Variants in ACTR2 observed in about 807,000 individuals in gnomAD.
The protein encoded by ACTR2 is actin related protein 2.
Under a neutral mutation model 50.2 loss-of-function variants are expected in ACTR2, and 5 were observed. That is an observed-to-expected ratio of 0.10 (90% CI 0.05 to 0.21). ACTR2 has a LOEUF of 0.21. Ranked by LOEUF, ACTR2 falls within the 10% of genes least tolerant of loss-of-function variation. The pLI, the probability that ACTR2 is intolerant of heterozygous loss-of-function variation, is 1.00. For missense variants in ACTR2, 180 were observed against 480.6 expected, an observed-to-expected ratio of 0.37 and a Z score of 5.85; for synonymous variants, 140 against 162.9, an observed-to-expected ratio of 0.86 and a Z score of 1.07.
At chr2:65,254,259 A>G (rs1672106729) in intron 5 of ACTR2, among the ~76,000 whole-genome samples, 1 of 152,152 alleles carries the variant, frequency 6.6e-6, no homozygotes, top group Admixed American at 6.5e-5. Context: ...GTTTTAAGCC[A>G]TGATCTTGGT....
At chr2:65,250,102 C>T (rs1166361586) in intron 3 of ACTR2, among the ~76,000 whole-genome samples, 9 of 152,164 alleles carry the variant, frequency 5.9e-5, no homozygotes, top group East Asian at 1.9e-4. Context: ...CGGTGGCTCA[C>T]GCCTGTAATC....
At position 65,260,724 on chromosome 2, in the gene ACTR2, C is replaced by CAA. The variant is rs539455728; in HGVS notation, c.736-522_736-521insAA. On this transcript the variant is annotated intron_variant, in intron 6 of 8. Coordinates refer to ENST00000260641, the MANE Select transcript of ACTR2 (RefSeq NM_005722.4). ...AAATTCCTGATATTTGGGGGCGTGG[C>CAA]ATACCTTTTTTTTTTTTTTTTTTGA... Among the ~76,000 whole-genome samples the CAA allele has an allele frequency of 3.4e-3, 499 of 148,734 alleles. 2 individuals carry two copies. The highest frequency in any genetic ancestry group is 0.011 in the African/African-American group (458 of 40,598).
Position 65,239,901 on chromosome 2 carries a change from C to G in ACTR2, c.98C>G (p.Pro33Arg). ...TCTAACTTTCCAGAACACATCTTCC[C>G]AGCTTTGGTTGGAAGACCTATTATC... ...AGSNFPEHIF[P>R]ALVGRPIIRS... The change falls in exon 2 of 9, where the codon CCA becomes CGA. Residue 33 changes from proline to arginine, a missense_variant. By Grantham distance (103) the Pro-to-Arg change is moderately radical. Coordinates refer to ENST00000260641, the MANE Select transcript of ACTR2 (RefSeq NM_005722.4). 1 of 1,613,390 alleles carries G rather than the reference C, an allele frequency of 6.2e-7. No individual in the cohort carries two copies. Among genetic ancestry groups the G allele is most frequent in the Non-Finnish European group, 8.5e-7 (1 of 1,179,542 alleles).
At chr2:65,261,913 T>C (rs1426735068) in intron 7 of ACTR2, among the ~76,000 whole-genome samples, 4 of 152,240 alleles carry the variant, frequency 2.6e-5, no homozygotes, top group Non-Finnish European at 5.9e-5. Flanking sequence ...CCTTTCCTCT[T>C]TTTGATAATA....
chr2:65,258,723 G>C (rs933305067), intron 6 of ACTR2, among the ~76,000 whole-genome samples: 1 of 152,218 alleles, frequency 6.6e-6, no homozygotes, highest in South Asian at 2.1e-4. Context: ...GATAAGATTT[G>C]GTGCAAAGAA....
intron 1 of ACTR2, among the ~76,000 whole-genome samples, chr2:65,236,481 C>CTTAT (rs372327516): frequency 0.011 from 1,633 of 152,248 alleles, 37 homozygotes; most frequent in African/African-American, 0.037. Flanking sequence ...TGGAGAGCTA[C>CTTAT]ATAAGATCTT....
At chr2:65,235,886 A>G (rs1671730896) in intron 1 of ACTR2, among the ~76,000 whole-genome samples, 1 of 152,224 alleles carries the variant, frequency 6.6e-6, no homozygotes, top group African/African-American at 2.4e-5. Flanking sequence ...GTAAGAAGAC[A>G]TCTGAATAAT....
intron 5 of ACTR2, among the ~76,000 whole-genome samples, chr2:65,254,681 A>G (rs1018817635): frequency 6.6e-6 from 1 of 152,174 alleles, no homozygotes; most frequent in Non-Finnish European, 1.5e-5. Context: ...TTCTATAATG[A>G]ATAGGGCTGG....
intron 2 of ACTR2, among the ~76,000 whole-genome samples, chr2:65,240,676 A>G (rs1406861280): frequency 6.6e-6 from 1 of 152,224 alleles, no homozygotes; most frequent in Non-Finnish European, 1.5e-5. Context: ...GTGAGAGGAC[A>G]GTAGTCACCA....
At chr2:65,230,188 A>G (rs1671608539) in intron 1 of ACTR2, among the ~76,000 whole-genome samples, 2 of 152,200 alleles carry the variant, frequency 1.3e-5, no homozygotes, top group African/African-American at 2.4e-5. Flanking sequence ...CCTGATTTCC[A>G]CTATAGTTTC....
intron 1 of ACTR2, among the ~76,000 whole-genome samples, chr2:65,230,395 C>A (rs957476452): frequency 6.8e-6 from 1 of 147,058 alleles, no homozygotes. Context: ...GAATGTTAAC[C>A]GAAGCTGATT....
chr2:65,253,994 T>C, intron 5 of ACTR2, 130 bp downstream of exon 5: 2 of 671,116 alleles, frequency 3.0e-6, no homozygotes, highest in Non-Finnish European at 4.8e-6. Flanking sequence ...ATTACCTCCC[T>C]TATTTATATA....
intron 3 of ACTR2, among the ~76,000 whole-genome samples, chr2:65,250,648 G>A (rs1259392312): frequency 6.8e-6 from 1 of 147,484 alleles, no homozygotes; most frequent in Non-Finnish European, 1.5e-5. Context: ...ACTCCAGCTT[G>A]GGCAACAGAG....
At chr2:65,242,882 A>G (rs1671868100) in intron 2 of ACTR2, among the ~76,000 whole-genome samples, 1 of 152,252 alleles carries the variant, frequency 6.6e-6, no homozygotes. Context: ...TAGTAATAGT[A>G]ACTTTGTGAA....
chr2:65,256,178 A>G (rs892605962), intron 6 of ACTR2, among the ~76,000 whole-genome samples: 2 of 152,192 alleles, frequency 1.3e-5, no homozygotes, highest in Middle Eastern at 3.2e-3. Context: ...AGGACTTTTC[A>G]GAATTTCATG....
intron 3 of ACTR2, among the ~76,000 whole-genome samples, chr2:65,248,721 A>G (rs951461668): frequency 1.3e-5 from 2 of 152,110 alleles, no homozygotes; most frequent in African/African-American, 4.8e-5. Flanking sequence ...GAGCCAGCAG[A>G]AGGAGATTGA....
rs1454259373 is a variant in ACTR2, at chr2:65,268,964, C to T, written c.*230C>T. Reference sequence around the variant, plus strand: ...TACATAGACTAGAGGGCTAAGGATTCTGTCTGCTGCTTTGTTTCTTCTAAG... The same window carrying T: ...TACATAGACTAGAGGGCTAAGGATTTTGTCTGCTGCTTTGTTTCTTCTAAG... On this transcript the variant is annotated 3_prime_UTR_variant, in exon 9 of 9. Coordinates refer to ENST00000260641, the MANE Select transcript of ACTR2 (RefSeq NM_005722.4). 1.8e-5 allele frequency: 8 copies of T among 438,268 alleles called. No individual in the cohort carries two copies. Among genetic ancestry groups the T allele is most frequent in the Non-Finnish European group, 3.3e-5 (8 of 244,150 alleles). The allele number at this position is 438,268 out of a possible 1,614,324, so 27.1% of individuals were successfully genotyped here.
chr2:65,241,884 C>A, intron 2 of ACTR2: 1 of 672,946 alleles, frequency 1.5e-6, no homozygotes, highest in Non-Finnish European at 2.3e-6. Flanking sequence ...GTTAATTTGG[C>A]CCTAATTATT....
intron 1 of ACTR2, among the ~76,000 whole-genome samples, chr2:65,235,338 T>G (rs1361271907): frequency 6.6e-6 from 1 of 152,230 alleles, no homozygotes; most frequent in Non-Finnish European, 1.5e-5. Context: ...TCCTGAATTC[T>G]GTTCATTTTA....
Sources: gnomAD v4.1 joint callset for allele counts (sites outside exome capture counted in the v4.1 genomes callset) on GRCh38, gnomAD v4.1.1 for gene constraint, MANE v1.5 for transcripts, NCBI Gene and HGNC (gene_info 2026-07-23, HGNC 2026-07-21) for gene names.